ADGRV1: variants seen among roughly 807,000 people sequenced by gnomAD.
ADGRV1 encodes G-protein coupled receptor 98.
ADGRV1 carries 359 observed loss-of-function variants against 596.2 expected under a neutral mutation model. The observed-to-expected ratio is 0.60, with a 90% CI of 0.55 to 0.66. The LOEUF (loss-of-function observed/expected upper bound fraction) is 0.66. ADGRV1 is among the 30% of genes least tolerant of loss of function. The pLI, the probability that ADGRV1 is intolerant of heterozygous loss-of-function variation, is 0.00. For synonymous variants in ADGRV1, 2,681 were observed against 2,679.2 expected (o/e 1.00, Z -0.02); for missense variants, 7,274 against 7,575.6 (o/e 0.96, Z 1.48).
chr5:90,944,069 T>C (rs1776378627), intron 83 of ADGRV1, among the ~76,000 whole-genome samples: 1 of 152,216 alleles, frequency 6.6e-6, no homozygotes. Flanking sequence ...AACATGGGAA[T>C]TCTATGAAGG....
intron 34 of ADGRV1, 120 bp downstream of exon 34, chr5:90,697,266 T>A: frequency 1.1e-6 from 1 of 877,092 alleles, no homozygotes; most frequent in Non-Finnish European, 1.7e-6. Flanking sequence ...GTGTGTGTGT[T>A]AATCTGCATA....
intron 75 of ADGRV1, among the ~76,000 whole-genome samples, chr5:90,817,146 A>G (rs1166258661): frequency 6.6e-6 from 1 of 151,918 alleles, no homozygotes; most frequent in Non-Finnish European, 1.5e-5. Context: ...TTTGATTTGC[A>G]TTTCTCTGAT....
chr5:91,046,656 A>G (rs1356971040), intron 85 of ADGRV1, among the ~76,000 whole-genome samples: 1 of 152,220 alleles, frequency 6.6e-6, no homozygotes, highest in East Asian at 1.9e-4. Flanking sequence ...AAGAACAAAG[A>G]CGAACAGCTG....
intron 83 of ADGRV1, among the ~76,000 whole-genome samples, chr5:90,956,206 A>G (rs2150927793): frequency 6.6e-6 from 1 of 152,266 alleles, no homozygotes; most frequent in East Asian, 1.9e-4. Flanking sequence ...TATATTTCAA[A>G]TAAGTTTACT....
At chr5:90,721,519 T>TAAAATA (rs1381195637) in intron 45 of ADGRV1, among the ~76,000 whole-genome samples, 2 of 52,094 alleles carry the variant, frequency 3.8e-5, no homozygotes, top group South Asian at 6.3e-4. Flanking sequence ...TAAAATAAAA[T>TAAAATA]AAAATAAAAA....
intron 83 of ADGRV1, among the ~76,000 whole-genome samples, chr5:90,883,307 C>T (rs1769970780): frequency 6.6e-6 from 1 of 152,176 alleles, no homozygotes; most frequent in South Asian, 2.1e-4. Context: ...GTATTTCAGG[C>T]CATCGAAGAG....
chr5:90,843,625 CA>C (rs2150368407), intron 78 of ADGRV1, among the ~76,000 whole-genome samples: 1 of 152,266 alleles, frequency 6.6e-6, no homozygotes, highest in Admixed American at 6.5e-5. Context: ...AAGCCTCAGA[CA>C]AAACCCAGAA....
chr5:90,923,311 A>T (rs2150750070), intron 83 of ADGRV1, among the ~76,000 whole-genome samples: 1 of 152,262 alleles, frequency 6.6e-6, no homozygotes, highest in East Asian at 1.9e-4. Context: ...ATATATTTTT[A>T]AAGTTAGAAA....
At chr5:90,862,356 TCACACA>T (rs5869527) in intron 82 of ADGRV1, among the ~76,000 whole-genome samples, 1 of 150,330 alleles carries the variant, frequency 6.7e-6, no homozygotes, top group Non-Finnish European at 1.5e-5. Context: ...AGTATATTAC[TCACACA>T]CACACACACA....
At position 90,763,441 on chromosome 5, in the gene ADGRV1, C is replaced by G. The variant is rs749313133; in HGVS notation, c.12257C>G (p.Pro4086Arg). The G allele has an allele frequency of 3.1e-6, 5 of 1,613,344 alleles. No individual in the cohort carries two copies. The Admixed American group carries it at 6.7e-5, about 22-fold the overall frequency. The change falls in exon 59 of 90, where the codon CCT (proline) becomes CGT (arginine). Residue 4086 changes from proline to arginine, a missense_variant. This residue lies in a region of ADGRV1 where 3,643 missense variants were observed against 3,809.2 expected (regional missense o/e 0.96). Transcript: ENST00000405460. ...IDEKAKHNLS[P>R]LNGTLHFDET... ...GAGAAGGCTAAACATAACCTTAGTC[C>G]TTTGAATGGGACCCTTCATTTTGAT... is the stretch of plus-strand genomic sequence containing the variant.
Position 90,558,820 on chromosome 5 carries a change from G to C in ADGRV1, c.-76G>C. 4 of 1,425,776 alleles carry C rather than the reference G, an allele frequency of 2.8e-6. No homozygotes were observed. Among genetic ancestry groups the C allele is most frequent in the Non-Finnish European group, 3.9e-6 (4 of 1,031,598 alleles). The allele number at this position is 1,425,776 out of a possible 1,614,324, so 88.3% of individuals were successfully genotyped here. A position where few individuals can be genotyped will look rare whatever the true frequency, so the allele number is the denominator to read the frequency against. ...GTGGTAGTAAGAATCAGCAGCGCGG[G>C]CAAGGAGTACGGACGGGAGTCAGAG... On this transcript the variant is annotated 5_prime_UTR_variant, in exon 1 of 90. Transcript: ENST00000405460.
chr5:90,758,546 C>T (rs576857804), intron 57 of ADGRV1, among the ~76,000 whole-genome samples: 147 of 152,292 alleles, frequency 9.7e-4, no homozygotes, highest in Middle Eastern at 6.8e-3. Context: ...GGAAGGGACT[C>T]TGTATTCTAC....
chr5:90,604,862 A>T (rs1453451302), intron 1 of ADGRV1, among the ~76,000 whole-genome samples: 2 of 152,186 alleles, frequency 1.3e-5, no homozygotes, highest in African/African-American at 2.4e-5. Context: ...AAGGATTTAG[A>T]TTAGTGAGAT....
rs747310764 is a variant in ADGRV1, at chr5:90,711,145, AT to A, written c.8904-31del. On this transcript the variant is annotated intron_variant, in intron 40 of 89. Transcript: ENST00000405460. ...ATAAAAGTTTCTAAGGGAAAAATTA[AT>A]TTTTTTTGTTTGTTTTTGTTTTTTT... 104 of 1,583,020 alleles carry A rather than the reference AT, an allele frequency of 6.6e-5. No individual in the cohort carries two copies. In the Middle Eastern group the frequency reaches 3.0e-3, roughly 46 times the overall value.
intron 45 of ADGRV1, among the ~76,000 whole-genome samples, chr5:90,722,517 C>T (rs972538976): frequency 1.3e-5 from 2 of 151,024 alleles, no homozygotes; most frequent in African/African-American, 4.9e-5. Context: ...TTCAGACCAG[C>T]CTGACCCACA....
At chr5:90,880,009 AT>A (rs963678908) in intron 83 of ADGRV1, among the ~76,000 whole-genome samples, 20 of 151,984 alleles carry the variant, frequency 1.3e-4, no homozygotes, top group African/African-American at 4.6e-4. Context: ...TTAGATTTCT[AT>A]TTTTTTCCTT....
intron 39 of ADGRV1, 127 bp downstream of exon 39, chr5:90,709,036 C>T: frequency 3.4e-6 from 2 of 595,536 alleles, no homozygotes; most frequent in Non-Finnish European, 3.0e-6. Context: ...ATATGATGGG[C>T]TTTTATATTT....
intron 50 of ADGRV1, among the ~76,000 whole-genome samples, chr5:90,740,082 G>A (rs1369026676): frequency 3.3e-5 from 5 of 152,290 alleles, no homozygotes; most frequent in African/African-American, 9.6e-5. Context: ...AGCTTGGAGC[G>A]AAGTTAAGGA....
intron 85 of ADGRV1, among the ~76,000 whole-genome samples, chr5:91,039,761 T>C (rs1183510452): frequency 6.6e-6 from 1 of 152,008 alleles, no homozygotes; most frequent in African/African-American, 2.4e-5. Flanking sequence ...GGAAAGATAA[T>C]GATGCAGTAA....
Sources: gnomAD v4.1 joint callset for allele counts (sites outside exome capture counted in the v4.1 genomes callset) on GRCh38, gnomAD v4.1.1 for gene constraint, gnomAD v4.1.1 regional missense constraint, MANE v1.5 for transcripts, NCBI Gene and HGNC (gene_info 2026-07-23, HGNC 2026-07-21) for gene names.